The following ROBO1 variants were observed in gnomAD, a reference collection of about 807,000 sequenced individuals.
ROBO1 encodes roundabout homolog 1.
A neutral mutation model predicts 195.9 loss-of-function variants in ROBO1; 149 were observed. The ratio of observed to expected loss-of-function variants is 0.76; its 90% CI spans 0.67 to 0.87. The LOEUF is 0.87. ROBO1 is among the 40% of genes least tolerant of loss of function. The pLI is 0.00. For missense variants in ROBO1, 1,933 were observed against 2,068.3 expected, an observed-to-expected ratio of 0.93 and a Z score of 1.27; for synonymous variants, 816 against 733.2, an observed-to-expected ratio of 1.11 and a Z score of -1.82.
intron 2 of ROBO1, among the ~76,000 whole-genome samples, chr3:79,562,538 G>C (rs574620988): frequency 2.0e-5 from 3 of 152,058 alleles, no homozygotes; most frequent in Admixed American, 2.0e-4. Context: ...TAAACTTCAA[G>C]CAAGATTTAG....
At chr3:79,474,424 C>T (rs1035517958) in intron 2 of ROBO1, among the ~76,000 whole-genome samples, 1 of 151,952 alleles carries the variant, frequency 6.6e-6, no homozygotes, top group Non-Finnish European at 1.5e-5. Context: ...CTTCGATATG[C>T]CTCAGTTCCT....
chr3:78,635,420 C>G (rs2107529068), intron 23 of ROBO1, among the ~76,000 whole-genome samples: 1 of 152,220 alleles, frequency 6.6e-6, no homozygotes, highest in East Asian at 1.9e-4. Context: ...CTTCCATCCT[C>G]TAGTGGAAAG....
At chr3:78,707,959 T>A (rs2107991440) in intron 8 of ROBO1, among the ~76,000 whole-genome samples, 1 of 152,314 alleles carries the variant, frequency 6.6e-6, no homozygotes, top group Admixed American at 6.5e-5. Context: ...TGGGAAATGG[T>A]TGGTCTGTTT....
chr3:78,947,238 C>A (rs574595199), intron 3 of ROBO1, among the ~76,000 whole-genome samples: 17 of 152,240 alleles, frequency 1.1e-4, no homozygotes, highest in Non-Finnish European at 1.8e-4. Context: ...CAGCACCACA[C>A]CACACCTACT....
intron 3 of ROBO1, among the ~76,000 whole-genome samples, chr3:79,048,644 C>T (rs1157509094): frequency 6.6e-6 from 1 of 152,086 alleles, no homozygotes; most frequent in Non-Finnish European, 1.5e-5. Context: ...GTGTGCATTC[C>T]TCTCTCCTCA....
chr3:78,648,327 A>T (rs1472213678), intron 19 of ROBO1, among the ~76,000 whole-genome samples: 1 of 152,140 alleles, frequency 6.6e-6, no homozygotes, highest in Non-Finnish European at 1.5e-5. Flanking sequence ...TTGTGAATGG[A>T]CAGAAAAAAC....
intron 2 of ROBO1, among the ~76,000 whole-genome samples, chr3:79,212,088 GC>G (rs2081974806): frequency 6.6e-6 from 1 of 152,230 alleles, no homozygotes; most frequent in South Asian, 2.1e-4. Flanking sequence ...GATCGCTCCT[GC>G]TATTGTTTGT....
chr3:79,440,963 A>G (rs1468933268), intron 2 of ROBO1, among the ~76,000 whole-genome samples: 3 of 152,164 alleles, frequency 2.0e-5, no homozygotes, highest in Non-Finnish European at 2.9e-5. Flanking sequence ...TTGCACTTTG[A>G]AACCATAAAT....
intron 2 of ROBO1, among the ~76,000 whole-genome samples, chr3:79,296,851 G>A (rs1013942280): frequency 6.6e-6 from 1 of 152,014 alleles, no homozygotes; most frequent in Non-Finnish European, 1.5e-5. Flanking sequence ...CCCATCTTTT[G>A]TAGATACTCC....
chr3:79,429,153 C>A (rs961124816), intron 2 of ROBO1, among the ~76,000 whole-genome samples: 2 of 152,068 alleles, frequency 1.3e-5, no homozygotes, highest in African/African-American at 4.8e-5. Context: ...ACTAGAAATA[C>A]GTGCATATCA....
intron 2 of ROBO1, among the ~76,000 whole-genome samples, chr3:79,312,393 G>A (rs750897985): frequency 6.6e-6 from 1 of 152,142 alleles, no homozygotes; most frequent in Non-Finnish European, 1.5e-5. Flanking sequence ...TAGTATAGGT[G>A]TTCATTGTCA....
intron 2 of ROBO1, among the ~76,000 whole-genome samples, chr3:79,575,831 T>C (rs191685234): frequency 8.6e-4 from 130 of 151,872 alleles, no homozygotes; most frequent in African/African-American, 2.9e-3. Flanking sequence ...TCTAAAAATA[T>C]ATCACAGTGT....
Position 79,725,340 on chromosome 3 carries a change from C to T in ROBO1, c.-51+42412G>A, listed in dbSNP as rs1482145148. Among the ~76,000 whole-genome samples the T allele has an allele frequency of 2.7e-5, 4 of 149,772 alleles. No individual in the cohort carries two copies. In the East Asian group the frequency reaches 7.9e-4, roughly 30 times the overall value. ...CTCCCGGGTTCACGCCATTCTCCTG[C>T]CTCAGCCTCCCGAGTAGCTGGGACT... On this transcript the variant is annotated intron_variant, in intron 1 of 30. Coordinates refer to ENST00000464233, the MANE Select transcript of ROBO1 (RefSeq NM_002941.4).
chr3:78,990,055 A>C (rs542510495), intron 3 of ROBO1, among the ~76,000 whole-genome samples: 7 of 152,184 alleles, frequency 4.6e-5, no homozygotes, highest in Non-Finnish European at 8.8e-5. Context: ...CCACTGCAGG[A>C]AAAAAGAAAG....
At chr3:79,283,919 G>A (rs961946299) in intron 2 of ROBO1, among the ~76,000 whole-genome samples, 1 of 151,658 alleles carries the variant, frequency 6.6e-6, no homozygotes, top group Admixed American at 6.6e-5. Flanking sequence ...GGATGGTCTC[G>A]ATCTCCTGAC....
At chr3:78,953,601 C>G (rs900056693) in intron 3 of ROBO1, among the ~76,000 whole-genome samples, 3 of 151,990 alleles carry the variant, frequency 2.0e-5, no homozygotes, top group South Asian at 2.1e-4. Flanking sequence ...CAAGAGAAGA[C>G]ACCAGTAGAA....
rs796471005 is a variant in ROBO1, at chr3:78,622,897, A to G, written c.3875+4424T>C. On this transcript the variant is annotated intron_variant, in intron 26 of 30. Coordinates refer to ENST00000464233, the MANE Select transcript of ROBO1 (RefSeq NM_002941.4). ...CAAGGAGCACTGAGACATCAGACAC[A>G]TGAGTGAAGAAACTAACTTGGAAGT... Among the ~76,000 whole-genome samples, 18 of 152,340 alleles carry G rather than the reference A, an allele frequency of 1.2e-4. 1 individual carries two copies. Among genetic ancestry groups the G allele is most frequent in the African/African-American group, 4.3e-4 (18 of 41,582 alleles).
chr3:79,685,461 A>G (rs1389142524), intron 1 of ROBO1, among the ~76,000 whole-genome samples: 1 of 152,174 alleles, frequency 6.6e-6, no homozygotes, highest in Non-Finnish European at 1.5e-5. Context: ...TTGTCAGCCC[A>G]TTTGTTCCAA....
chr3:78,780,308 G>A (rs894782353), intron 4 of ROBO1, among the ~76,000 whole-genome samples: 8 of 152,250 alleles, frequency 5.3e-5, no homozygotes, highest in Non-Finnish European at 7.4e-5. Flanking sequence ...CCACAGCTAC[G>A]TGTTAAAGCA....
Sources: allele counts gnomAD v4.1 joint callset (sites outside exome capture counted in the v4.1 genomes callset), GRCh38; gene constraint gnomAD v4.1.1; transcripts MANE v1.5; gene names NCBI Gene and HGNC (gene_info 2026-07-23, HGNC 2026-07-21).